ZNF841: variants seen among roughly 807,000 people sequenced by gnomAD.
The protein encoded by ZNF841 is zinc finger protein 841.
A neutral mutation model predicts 13.0 loss-of-function variants in ZNF841; 11 were observed. The ratio of observed to expected loss-of-function variants is 0.85; its 90% CI spans 0.53 to 1.40. The LOEUF is 1.40. ZNF841 is among the 40% of genes most tolerant of loss of function. ZNF841 has a pLI of 0.00. For synonymous variants in ZNF841, 369 were observed against 381.6 expected, an observed-to-expected ratio of 0.97 and a Z score of 0.38; for missense variants, 1,068 against 1,139.5, an observed-to-expected ratio of 0.94 and a Z score of 0.90.
In ZNF841 at chr19:52,065,271, G is replaced by T; in HGVS notation, c.2611C>A (p.His871Asn). Residue 871 changes from histidine (H) to asparagine (N), a missense_variant, in exon 7 of 7, where the codon CAT (histidine) becomes AAT (asparagine). Physicochemically the swap from His to Asn is moderately conservative, Grantham distance 68. Coordinates refer to ENST00000594440, the MANE Select transcript of ZNF841 (RefSeq NM_001136499.2). ...CATTTATAAGGTTTTTCACTAGAATGAATTCGTTGGTGTTTAGTGAGGCAA... is the reference window on the plus strand; with the variant it reads ...CATTTATAAGGTTTTTCACTAGAATTAATTCGTTGGTGTTTAGTGAGGCAA... ...RSCLTKHQRI[H>N]SSEKPYKCNE... 1.2e-6 allele frequency: 2 copies of T among 1,613,928 alleles called. No individual in the cohort carries two copies. Among genetic ancestry groups the T allele is most frequent in the Admixed American group, 1.7e-5 (1 of 60,012 alleles).
In ZNF841 at chr19:52,084,778, T is replaced by C. The variant is rs751968296; in HGVS notation, c.15+9A>G. ...GAGACAGAACAATCCACCAAGATTATCACTTTACCTGAGGAAGAGCCATCC... is the reference window on the plus strand; with the variant it reads ...GAGACAGAACAATCCACCAAGATTACCACTTTACCTGAGGAAGAGCCATCC... On this transcript the variant is annotated intron_variant, in intron 4 of 6. Coordinates refer to ENST00000594440, the MANE Select transcript of ZNF841 (RefSeq NM_001136499.2). The C allele has an allele frequency of 2.5e-6, 4 of 1,613,718 alleles. No individual in the cohort carries two copies. The highest frequency in any genetic ancestry group is 1.7e-4 in the Middle Eastern group (1 of 6,056).
intron 6 of ZNF841, among the ~76,000 whole-genome samples, chr19:52,071,470 A>G (rs4801908): frequency 0.74 from 112,441 of 152,048 alleles, 42,924 homozygotes; most frequent in East Asian, 0.96. Flanking sequence ...CACAACAGGC[A>G]AAGATTTGAG....
intron 4 of ZNF841, among the ~76,000 whole-genome samples, chr19:52,080,072 T>A (rs1316317968): frequency 6.6e-6 from 1 of 151,490 alleles, no homozygotes; most frequent in Non-Finnish European, 1.5e-5. Flanking sequence ...CTAACAATGC[T>A]AACAATGTAC....
chr19:52,059,890 T>C (rs1233707551), downstream of ZNF841, among the ~76,000 whole-genome samples: 1 of 152,072 alleles, frequency 6.6e-6, no homozygotes, highest in Non-Finnish European at 1.5e-5. Context: ...ATTGGTTGCT[T>C]TTTGCAACCA....
chr19:52,066,012 G>C lies in ZNF841; in HGVS notation c.1870C>G (p.Pro624Ala). The stretch of plus-strand genomic sequence containing the variant: ...TTGCCGCATTCGTTACACTGGAAAG[G>C]TTTCTCTCCGGTATGACTTCGCCTA... The part of the protein sequence containing the change: ...IHRRSHTGEK[P>A]FQCNECGKVF... The change falls in exon 7 of 7, where the codon CCT (proline) becomes GCT (alanine). Residue 624 changes from proline to alanine, a missense_variant. Pro to Ala is a conservative substitution (Grantham distance 27). Coordinates refer to ENST00000594440, the MANE Select transcript of ZNF841 (RefSeq NM_001136499.2). The C allele has an allele frequency of 6.2e-7, 1 of 1,614,078 alleles. No individual in the cohort carries two copies. Among genetic ancestry groups the C allele is most frequent in the East Asian group, 2.2e-5 (1 of 44,880 alleles).
At position 52,067,006 on chromosome 19, in the gene ZNF841, A is replaced by T; in HGVS notation, c.876T>A (p.Asn292Lys). ...IHTTEKPYRC[N>K]ESGKAFHRGS... The stretch of plus-strand genomic sequence containing the variant: ...CCCGATGAAAGGCTTTACCAGACTC[A>T]TTGCATCTGTAAGGTTTCTCTGTAG... The change falls in exon 7 of 7, where the codon AAT (asparagine) becomes AAA (lysine). Residue 292 changes from asparagine to lysine, a missense_variant. By Grantham distance (94) the Asn-to-Lys change is moderately conservative (BLOSUM62 0). Transcript: ENST00000594440. 2 of 1,614,102 alleles carry T rather than the reference A, an allele frequency of 1.2e-6. No homozygotes were observed. The highest frequency in any genetic ancestry group is 1.7e-6 in the Non-Finnish European group (2 of 1,179,988).
At chr19:52,091,491 C>A (rs1026781139) in intron 2 of ZNF841, among the ~76,000 whole-genome samples, 1 of 152,052 alleles carries the variant, frequency 6.6e-6, no homozygotes, top group Non-Finnish European at 1.5e-5. Context: ...GGCATAAAAA[C>A]ACACAGAGAA....
intron 1 of ZNF841, among the ~76,000 whole-genome samples, chr19:52,094,269 T>A (rs2088599729): frequency 6.6e-6 from 1 of 152,166 alleles, no homozygotes; most frequent in South Asian, 2.1e-4. Context: ...CTTAAACATA[T>A]TTCAAATCAG....
At chr19:52,072,281 C>T (rs1173108249) in intron 6 of ZNF841, among the ~76,000 whole-genome samples, 1 of 152,040 alleles carries the variant, frequency 6.6e-6, no homozygotes, top group Admixed American at 6.6e-5. Flanking sequence ...GACAATCAGA[C>T]AGAAGAAAAA....
downstream of ZNF841, among the ~76,000 whole-genome samples, chr19:52,062,733 T>G (rs1286085886): frequency 1.3e-5 from 2 of 152,238 alleles, no homozygotes; most frequent in African/African-American, 4.8e-5. Context: ...GATCCTTTGA[T>G]GTACATATTA....
At chr19:52,078,642 T>C (rs1039114968) in intron 4 of ZNF841, among the ~76,000 whole-genome samples, 8 of 142,048 alleles carry the variant, frequency 5.6e-5, no homozygotes. Flanking sequence ...GGGCTTGCAG[T>C]GAGCCGAGAT....
At chr19:52,073,394 C>G (rs8101349) in intron 6 of ZNF841, among the ~76,000 whole-genome samples, 23,986 of 151,660 alleles carry the variant, frequency 0.16, 2,193 homozygotes, top group South Asian at 0.3. Context: ...TGCCTACTGG[C>G]TTCAAGCAAT....
chr19:52,066,255 A>G lies in ZNF841; in HGVS notation c.1627T>C (p.Cys543Arg), dbSNP rs760862441. 9 of 1,613,968 alleles carry G rather than the reference A, an allele frequency of 5.6e-6. No homozygotes were observed. Among genetic ancestry groups the G allele is most frequent in the Non-Finnish European group, 6.8e-6 (8 of 1,179,978 alleles). The change falls in exon 7 of 7, where the codon TGT becomes CGT. Residue 543 changes from cysteine (C) to arginine (R), a missense_variant. Physicochemically the swap from Cys to Arg is radical, Grantham distance 180. Transcript: ENST00000594440. ...TTAAAGACCTTGCCACACACATTACATTTGTAAGGTTTCTCTCCGGTATGA... is the reference window on the plus strand; with the variant it reads ...TTAAAGACCTTGCCACACACATTACGTTTGTAAGGTTTCTCTCCGGTATGA... ...RIHTGEKPYK[C>R]NVCGKVFNYG...
chr19:52,088,747 A>C (rs2088372713), intron 3 of ZNF841, among the ~76,000 whole-genome samples, 190 bp downstream of exon 3: 1 of 152,182 alleles, frequency 6.6e-6, no homozygotes, highest in Non-Finnish European at 1.5e-5. Flanking sequence ...TCTCTCTAGT[A>C]AATTGCAGAC....
intron 4 of ZNF841, among the ~76,000 whole-genome samples, chr19:52,081,953 A>G (rs1321582839): frequency 1.3e-5 from 2 of 152,238 alleles, no homozygotes; most frequent in Non-Finnish European, 2.9e-5. Context: ...GAGGCAGAAG[A>G]AGGAATCAGT....
In ZNF841 at chr19:52,065,629, G is replaced by A. The variant is rs2087526506; in HGVS notation, c.2253C>T (p.Thr751=). 1 of 1,610,212 alleles carries A rather than the reference G, an allele frequency of 6.2e-7. No individual in the cohort carries two copies. Among genetic ancestry groups the A allele is most frequent in the East Asian group, 2.2e-5 (1 of 44,742 alleles). ...TATGAATTCTCCGATGCCTTGCCAGGGTTGTAGTGGAGTTAAAGACTTTCC... is the reference window on the plus strand; with the variant it reads ...TATGAATTCTCCGATGCCTTGCCAGAGTTGTAGTGGAGTTAAAGACTTTCC... ...ECGKVFNSTT[T]LARHRRIHTG... The change falls in exon 7 of 7, where the codon ACC becomes ACT. Residue 751 remains threonine, a synonymous_variant. Transcript: ENST00000594440.
downstream of ZNF841, among the ~76,000 whole-genome samples, chr19:52,063,126 C>T (rs566337396): frequency 3.3e-5 from 5 of 152,136 alleles, no homozygotes; most frequent in South Asian, 4.1e-4. Context: ...CTGCCTGCCT[C>T]GGCCTCCCAA....
intron 6 of ZNF841, among the ~76,000 whole-genome samples, chr19:52,070,988 A>T (rs1043609361): frequency 1.3e-5 from 2 of 152,228 alleles, no homozygotes; most frequent in Admixed American, 6.5e-5. Flanking sequence ...AGTAATGAGC[A>T]TGGAGCAGCA....
At chr19:52,064,379 A>ACC (rs1568532504), downstream of ZNF841, 2 of 140,644 alleles carry the variant, frequency 1.4e-5, no homozygotes, top group South Asian at 2.4e-4. Context: ...AAAAAAAAAA[A>ACC]AAAAAAAAAA....
Sources: gnomAD v4.1 joint callset for allele counts (sites outside exome capture counted in the v4.1 genomes callset) on GRCh38, gnomAD v4.1.1 for gene constraint, MANE v1.5 for transcripts, NCBI Gene and HGNC (gene_info 2026-07-23, HGNC 2026-07-21) for gene names.